PAMR1: variants seen among roughly 807,000 people sequenced by gnomAD.
The protein encoded by PAMR1 is peptidase domain containing associated with muscle regeneration 1.
PAMR1 carries 88 observed loss-of-function variants against 81.8 expected under a neutral mutation model. That is an observed-to-expected ratio of 1.08 (90% CI 0.91 to 1.28). PAMR1 has a LOEUF of 1.28. Among genes scored for constraint, PAMR1 ranks in the 50% most tolerant of loss-of-function variants. The pLI, the probability that PAMR1 is intolerant of heterozygous loss-of-function variation, is 0.00. For synonymous variants in PAMR1, 336 were observed against 345.3 expected (o/e 0.97, Z 0.30); for missense variants, 935 against 919.7 (o/e 1.02, Z -0.21).
chr11:35,439,781 T>C, intron 7 of PAMR1, 88 bp from the exon 8 acceptor site: 1 of 1,106,758 alleles, frequency 9.0e-7, no homozygotes. Context: ...GACCCCCACT[T>C]CTGGACACCA....
At chr11:35,436,911 A>C (rs1278131399) in intron 8 of PAMR1, among the ~76,000 whole-genome samples, 1 of 152,246 alleles carries the variant, frequency 6.6e-6, no homozygotes, top group Admixed American at 6.5e-5. Flanking sequence ...AGAGAAATGT[A>C]GACATTTTTT....
chr11:35,436,682 AC>A (rs1856054969), intron 8 of PAMR1, among the ~76,000 whole-genome samples: 1 of 151,762 alleles, frequency 6.6e-6, no homozygotes, highest in African/African-American at 2.4e-5. Context: ...ACACACACAC[AC>A]ACACACACTT....
At chr11:35,440,753 G>C (rs189400265) in intron 7 of PAMR1, among the ~76,000 whole-genome samples, 1 of 152,246 alleles carries the variant, frequency 6.6e-6, no homozygotes, top group Admixed American at 6.5e-5. Context: ...TTTACCCCTT[G>C]ATTCCCAGAT....
At chr11:35,500,508 C>G (rs936308271) in intron 1 of PAMR1, among the ~76,000 whole-genome samples, 1 of 152,152 alleles carries the variant, frequency 6.6e-6, no homozygotes, top group Non-Finnish European at 1.5e-5. Flanking sequence ...CCCACAAATA[C>G]ATAATCATAA....
At chr11:35,484,975 C>G (rs554384178) in intron 3 of PAMR1, among the ~76,000 whole-genome samples, 1 of 152,198 alleles carries the variant, frequency 6.6e-6, no homozygotes, top group Non-Finnish European at 1.5e-5. Context: ...TAAGAGGAAG[C>G]CTTGGTTTCG....
intron 1 of PAMR1, among the ~76,000 whole-genome samples, chr11:35,509,349 C>T (rs1270284716): frequency 6.6e-6 from 1 of 151,826 alleles, no homozygotes; most frequent in Non-Finnish European, 1.5e-5. Flanking sequence ...ATTTTTTTTC[C>T]CCTTGATCAT....
At chr11:35,460,293 T>C (rs1421486318) in intron 6 of PAMR1, among the ~76,000 whole-genome samples, 1 of 152,092 alleles carries the variant, frequency 6.6e-6, no homozygotes, top group Non-Finnish European at 1.5e-5. Context: ...ATGCTCTCAC[T>C]GTTTGTATCC....
At chr11:35,493,980 A>G (rs1850674806) in intron 2 of PAMR1, 116 bp downstream of exon 2, 5 of 764,172 alleles carry the variant, frequency 6.5e-6, no homozygotes, top group South Asian at 3.4e-5. Flanking sequence ...ACTTTTCATA[A>G]TCATGGCACC....
At chr11:35,511,888 G>A (rs1851078800) in intron 1 of PAMR1, among the ~76,000 whole-genome samples, 1 of 152,156 alleles carries the variant, frequency 6.6e-6, no homozygotes, top group South Asian at 2.1e-4. Flanking sequence ...CTGTGAGTCA[G>A]AGGCGACAGA....
At position 35,441,553 on chromosome 11, in the gene PAMR1, G is replaced by C; in HGVS notation, c.961C>G (p.Leu321Val). ...CAAGTTCTTTTCTCATTGCCACTAAGAACATAGGAGTTGTTACAAAAGAAA... is the reference window on the plus strand; with the variant it reads ...CAAGTTCTTTTCTCATTGCCACTAACAACATAGGAGTTGTTACAAAAGAAA... ...VSFFCNNSYV[L>V]SGNEKRTCQQ... is the part of the protein sequence containing the mutation. The change falls in exon 7 of 11, where the codon CTT becomes GTT. Residue 321 changes from leucine to valine, a missense_variant. Leu to Val is a conservative substitution (Grantham distance 32). Coordinates refer to ENST00000619888, the MANE Select transcript of PAMR1 (RefSeq NM_001001991.3). 6.2e-7 allele frequency: 1 copy of C among 1,613,906 alleles called. No homozygotes were observed. Among genetic ancestry groups the C allele is most frequent in the Non-Finnish European group, 8.5e-7 (1 of 1,179,908 alleles).
intron 6 of PAMR1, among the ~76,000 whole-genome samples, chr11:35,464,043 A>G (rs1255963620): frequency 2.0e-5 from 3 of 152,180 alleles, no homozygotes; most frequent in Non-Finnish European, 4.4e-5. Context: ...TAAATTGCCA[A>G]AACCTTTTAG....
At chr11:35,478,851 T>C (rs951671336) in intron 3 of PAMR1, among the ~76,000 whole-genome samples, 1 of 152,068 alleles carries the variant, frequency 6.6e-6, no homozygotes, top group Non-Finnish European at 1.5e-5. Context: ...TGTGTGTGTG[T>C]GTGTGTCTGT....
At chr11:35,509,510 T>C (rs767987384) in intron 1 of PAMR1, among the ~76,000 whole-genome samples, 2 of 152,246 alleles carry the variant, frequency 1.3e-5, no homozygotes, top group Non-Finnish European at 2.9e-5. Flanking sequence ...TTCCTGTATG[T>C]ATGCTAAAGC....
chr11:35,434,454 C>T lies in PAMR1; in HGVS notation c.1626+58G>A, dbSNP rs977136250. The T allele has an allele frequency of 2.5e-5, 38 of 1,544,426 alleles. No individual in the cohort carries two copies. The East Asian group carries it at 4.3e-4, about 17-fold the overall frequency. ...GAGCTTGGTATAATCACTGCTCTCC[C>T]GTGCTTGGAGTTTTTTTGAGCCAGA... On this transcript the variant is annotated intron_variant, in intron 10 of 10. Transcript: ENST00000619888.
At chr11:35,459,476 T>C (rs1565335167) in intron 6 of PAMR1, among the ~76,000 whole-genome samples, 1 of 152,144 alleles carries the variant, frequency 6.6e-6, no homozygotes, top group Admixed American at 6.5e-5. Context: ...CTTCAGCTCC[T>C]TGGGGGTGGG....
At chr11:35,480,150 C>T (rs1266203798) in intron 3 of PAMR1, among the ~76,000 whole-genome samples, 2 of 152,214 alleles carry the variant, frequency 1.3e-5, no homozygotes, top group Non-Finnish European at 2.9e-5. Flanking sequence ...ATTACCATAA[C>T]TACTAACTGA....
chr11:35,525,508 A>T lies in PAMR1; in HGVS notation c.73+5T>A. Reference sequence around the variant, plus strand: ...CTAGGGTGTCCCGGACGCTACTCACAGTACCTCTTGGCAAGGACGAGATGA... The same window carrying T: ...CTAGGGTGTCCCGGACGCTACTCACTGTACCTCTTGGCAAGGACGAGATGA... On this transcript the variant is annotated splice_donor_5th_base_variant and intron_variant, in intron 1 of 10. Transcript: ENST00000619888. The T allele has an allele frequency of 6.2e-7, 1 of 1,613,280 alleles. No homozygotes were observed. The highest frequency in any genetic ancestry group is 1.1e-5 in the South Asian group (1 of 90,986).
At chr11:35,476,169 C>T (rs1300215654) in intron 3 of PAMR1, among the ~76,000 whole-genome samples, 3 of 152,090 alleles carry the variant, frequency 2.0e-5, no homozygotes, top group Non-Finnish European at 4.4e-5. Context: ...TTGCTGCTGC[C>T]CTGTGCCAAT....
chr11:35,454,310 AG>A (rs964737151), intron 6 of PAMR1, among the ~76,000 whole-genome samples: 13 of 152,144 alleles, frequency 8.5e-5, no homozygotes, highest in Admixed American at 3.9e-4. Context: ...AAAAATATCT[AG>A]GAGATTTTTG....
Sources: allele counts gnomAD v4.1 joint callset (sites outside exome capture counted in the v4.1 genomes callset), GRCh38; gene constraint gnomAD v4.1.1; transcripts MANE v1.5; gene names NCBI Gene and HGNC (gene_info 2026-07-23, HGNC 2026-07-21).